The following ROBO2 variants were observed in gnomAD, a reference collection of about 807,000 sequenced individuals.
The protein encoded by ROBO2 is roundabout homolog 2.
A neutral mutation model predicts 160.8 loss-of-function variants in ROBO2; 53 were observed. That is an observed-to-expected ratio of 0.33 (90% CI 0.26 to 0.41). ROBO2 has a LOEUF of 0.41. ROBO2 is among the 10% of genes least tolerant of loss of function. The probability of loss-of-function intolerance (pLI) is 1.00; values close to 1 mark genes in which losing one functional copy is unlikely to be tolerated. For missense variants in ROBO2, 1,577 were observed against 1,722.4 expected (o/e 0.92, Z 1.49); for synonymous variants, 664 against 611.7 (o/e 1.09, Z -1.26).
chr3:75,971,215 G>A (rs1043349266), intron 2 of ROBO2, among the ~76,000 whole-genome samples: 3 of 151,214 alleles, frequency 2.0e-5, no homozygotes, highest in African/African-American at 7.3e-5. Flanking sequence ...AGAATTTTAT[G>A]GTTAAATCAT....
chr3:77,098,630 G>A (rs1236082051), intron 2 of ROBO2, among the ~76,000 whole-genome samples: 2 of 151,986 alleles, frequency 1.3e-5, no homozygotes, highest in East Asian at 1.9e-4. Flanking sequence ...GGCGGATCAC[G>A]AGGTCAGGAG....
chr3:76,498,763 A>G (rs1219603376), intron 2 of ROBO2, among the ~76,000 whole-genome samples: 1 of 142,644 alleles, frequency 7.0e-6, no homozygotes, highest in Admixed American at 7.5e-5. Context: ...ACTCACTGCC[A>G]CTTCCGCCTC....
At chr3:76,539,731 C>G (rs757987195) in intron 2 of ROBO2, among the ~76,000 whole-genome samples, 2 of 152,140 alleles carry the variant, frequency 1.3e-5, no homozygotes, top group South Asian at 4.1e-4. Context: ...AGGCTTTTCT[C>G]CTTTCTAATG....
intron 2 of ROBO2, among the ~76,000 whole-genome samples, chr3:77,283,036 A>T: frequency 6.6e-6 from 1 of 151,996 alleles, no homozygotes; most frequent in East Asian, 1.9e-4. Context: ...TTTCTGTACA[A>T]CTTTGTTGTT....
chr3:77,563,100 C>G (rs1416715650), intron 10 of ROBO2, 67 bp from the exon 12 acceptor site: 24 of 1,515,326 alleles, frequency 1.6e-5, no homozygotes, highest in Non-Finnish European at 2.1e-5. Context: ...AGACTGCTTC[C>G]TTCTTTTAGG....
chr3:76,799,216 A>T (rs1283449916), intron 2 of ROBO2, among the ~76,000 whole-genome samples: 1 of 140,066 alleles, frequency 7.1e-6, no homozygotes, highest in Non-Finnish European at 1.6e-5. Context: ...TCCGTCTCAA[A>T]AAAAACAAAA....
intron 2 of ROBO2, among the ~76,000 whole-genome samples, chr3:76,522,099 AT>A (rs1317545234): frequency 1.3e-5 from 2 of 152,164 alleles, no homozygotes; most frequent in African/African-American, 4.8e-5. Flanking sequence ...TAAGAATAGC[AT>A]TTGCATTGTG....
intron 2 of ROBO2, among the ~76,000 whole-genome samples, chr3:76,484,615 C>T (rs1011239406): frequency 2.0e-5 from 3 of 152,062 alleles, no homozygotes; most frequent in Admixed American, 1.3e-4. Context: ...AAAGCTTGAA[C>T]GTAATTACCT....
intron 2 of ROBO2, among the ~76,000 whole-genome samples, chr3:76,711,624 A>T (rs758959140): frequency 8.5e-5 from 13 of 152,190 alleles, no homozygotes; most frequent in Non-Finnish European, 1.8e-4. Context: ...AGAACGCCTA[A>T]CGTACAACAG....
chr3:76,246,074 A>G (rs977862733), intron 2 of ROBO2, among the ~76,000 whole-genome samples: 2 of 152,108 alleles, frequency 1.3e-5, no homozygotes, highest in African/African-American at 4.8e-5. Context: ...GGAAGAGCCC[A>G]TTGAAAATAA....
chr3:76,496,288 T>C (rs1020060909), intron 2 of ROBO2, among the ~76,000 whole-genome samples: 4 of 152,170 alleles, frequency 2.6e-5, no homozygotes, highest in Non-Finnish European at 5.9e-5. Flanking sequence ...CAGAGAAAAA[T>C]GAATAGATGG....
At chr3:77,316,942 G>C in intron 2 of ROBO2, 1 of 1,306,702 alleles carries the variant, frequency 7.7e-7, no homozygotes, top group Non-Finnish European at 1.1e-6. Context: ...CTTGGCTGCT[G>C]TTCCGAAGCG....
chr3:76,215,892 G>A (rs1703488112), intron 2 of ROBO2, among the ~76,000 whole-genome samples: 1 of 152,186 alleles, frequency 6.6e-6, no homozygotes, highest in Non-Finnish European at 1.5e-5. Context: ...AGGAAAAAAT[G>A]TTAAGGGCAG....
intron 2 of ROBO2, among the ~76,000 whole-genome samples, chr3:77,004,731 T>C (rs532209050): frequency 6.6e-6 from 1 of 152,296 alleles, no homozygotes; most frequent in Non-Finnish European, 1.5e-5. Flanking sequence ...ATTTGTTTTC[T>C]CAAATATTTT....
At chr3:76,694,975 A>G (rs1192467790) in intron 2 of ROBO2, among the ~76,000 whole-genome samples, 2 of 152,082 alleles carry the variant, frequency 1.3e-5, no homozygotes, top group Non-Finnish European at 2.9e-5. Flanking sequence ...ATGGTGGCAC[A>G]TGCTTCTAAT....
intron 2 of ROBO2, among the ~76,000 whole-genome samples, chr3:76,283,658 G>T (rs539547775): frequency 7.4e-4 from 113 of 152,078 alleles, no homozygotes; most frequent in African/African-American, 2.5e-3. Context: ...CATTATGACA[G>T]AGTTTCTGAA....
chr3:77,564,706 G>T (rs2093429078), intron 11 of ROBO2: 1 of 573,872 alleles, frequency 1.7e-6, no homozygotes, highest in Admixed American at 2.7e-5. Context: ...ATTAGCAAAG[G>T]GCTGTCACAT....
At chr3:77,562,629 C>A (rs374191838) in intron 9 of ROBO2, 22 bp from the exon 11 acceptor site, 109 of 1,562,758 alleles carry the variant, frequency 7.0e-5, no homozygotes, top group Non-Finnish European at 9.3e-5. Flanking sequence ...CAATTTAATT[C>A]TCTCCCTTCT....
intron 2 of ROBO2, among the ~76,000 whole-genome samples, chr3:76,968,969 C>G (rs2059440544): frequency 6.6e-6 from 1 of 152,092 alleles, no homozygotes; most frequent in African/African-American, 2.4e-5. Flanking sequence ...TTTTGGTGTA[C>G]CCAGCATGAA....
Sources: allele counts gnomAD v4.1 joint callset (sites outside exome capture counted in the v4.1 genomes callset), GRCh38; gene constraint gnomAD v4.1.1; transcripts MANE v1.5; gene names NCBI Gene and HGNC (gene_info 2026-07-23, HGNC 2026-07-21).